Variants in RPIA observed in about 807,000 individuals in gnomAD.
The protein encoded by RPIA is ribose-5-phosphate isomerase.
In RPIA, 29 loss-of-function variants were observed where a neutral mutation model predicts 37.8. That is an observed-to-expected ratio of 0.77 (90% CI 0.57 to 1.05). RPIA has a LOEUF of 1.05. RPIA is among the 50% of genes least tolerant of loss of function. RPIA has a pLI of 0.00. For synonymous variants in RPIA, 167 were observed against 157.0 expected (o/e 1.06, Z -0.48); for missense variants, 385 against 413.6 (o/e 0.93, Z 0.60).
intron 8 of RPIA, among the ~76,000 whole-genome samples, chr2:88,745,633 T>C (rs1256138532): frequency 6.6e-6 from 1 of 152,192 alleles, no homozygotes; most frequent in Admixed American, 6.5e-5. Flanking sequence ...GTAGGGCTTC[T>C]GCTGAGAAAT....
chr2:88,747,119 T>C (rs1673447076), intron 8 of RPIA, among the ~76,000 whole-genome samples: 1 of 152,180 alleles, frequency 6.6e-6, no homozygotes, highest in Non-Finnish European at 1.5e-5. Flanking sequence ...TGGGCAGGGC[T>C]TGCTGTGGCC....
intron 1 of RPIA, among the ~76,000 whole-genome samples, chr2:88,694,261 A>G (rs1676983163): frequency 6.6e-6 from 1 of 152,252 alleles, no homozygotes; most frequent in Non-Finnish European, 1.5e-5. Flanking sequence ...CCAAGGCAGC[A>G]GGGATCACAT....
rs1199547760 is a variant in RPIA at position 88,750,129 on chromosome 2, G to A, written c.*51G>A. 7.6e-7 allele frequency: 1 copy of A among 1,315,798 alleles called. No homozygotes were observed. The highest frequency in any genetic ancestry group is 1.7e-5 in the Admixed American group (1 of 58,754). 81.5% of individuals were successfully genotyped at this position (1,315,798 alleles called of 1,614,324 possible). A position where few individuals can be genotyped will look rare whatever the true frequency, so the allele number is the denominator to read the frequency against. Reference sequence around the variant, plus strand: ...CCTTGAGTCTCCAGCCCACAGCCAAGGTGGACGTACCTCTCCAGGAGCCTT... The same window carrying A: ...CCTTGAGTCTCCAGCCCACAGCCAAAGTGGACGTACCTCTCCAGGAGCCTT... On this transcript the variant is annotated 3_prime_UTR_variant, in exon 9 of 9. Transcript: ENST00000283646.
At chr2:88,729,242 T>C (rs1673235308) in intron 3 of RPIA, 36 bp from the exon 4 acceptor site, 1 of 1,608,212 alleles carries the variant, frequency 6.2e-7, no homozygotes, top group Admixed American at 1.7e-5. Context: ...TGAACTCAAG[T>C]AAATGATCGT....
At chr2:88,694,979 C>CAAAAAAA (rs61633535) in intron 1 of RPIA, among the ~76,000 whole-genome samples, 9 of 119,064 alleles carry the variant, frequency 7.6e-5, no homozygotes, top group East Asian at 5.0e-4. Flanking sequence ...AATAAAGTCT[C>CAAAAAAA]AAAAAAAAAA....
intron 4 of RPIA, among the ~76,000 whole-genome samples, chr2:88,733,985 C>T (rs1028365080): frequency 1.3e-5 from 2 of 152,088 alleles, no homozygotes; most frequent in Non-Finnish European, 2.9e-5. Context: ...ATTTCCAGTT[C>T]GGGAACTCAT....
intron 3 of RPIA, among the ~76,000 whole-genome samples, chr2:88,707,158 GC>G (rs1172249613): frequency 6.6e-6 from 1 of 152,180 alleles, no homozygotes; most frequent in Non-Finnish European, 1.5e-5. Context: ...TTTTGGCATG[GC>G]TCCTTGTTAG....
intron 3 of RPIA, among the ~76,000 whole-genome samples, chr2:88,710,507 G>A (rs549424359): frequency 1.2e-4 from 18 of 152,080 alleles, no homozygotes; most frequent in Non-Finnish European, 2.6e-4. Context: ...ACTTCTTTTA[G>A]AAGCTTTTAA....
chr2:88,702,716 G>C (rs892215083), intron 3 of RPIA, among the ~76,000 whole-genome samples: 2 of 152,206 alleles, frequency 1.3e-5, no homozygotes, highest in Non-Finnish European at 2.9e-5. Flanking sequence ...CCTGCAGCCA[G>C]CTCTGGAGCC....
At chr2:88,706,535 A>G (rs1443406874) in intron 3 of RPIA, among the ~76,000 whole-genome samples, 1 of 144,506 alleles carries the variant, frequency 6.9e-6, no homozygotes, top group Non-Finnish European at 1.5e-5. Context: ...GGGGAACAAC[A>G]CATACTGGGG....
chr2:88,741,001 C>T (rs1404830657), intron 8 of RPIA, among the ~76,000 whole-genome samples: 3 of 152,242 alleles, frequency 2.0e-5, no homozygotes, highest in East Asian at 3.9e-4. Flanking sequence ...CTTTTCGTCA[C>T]TCGATCACTA....
intron 3 of RPIA, among the ~76,000 whole-genome samples, chr2:88,722,483 T>G (rs1219232093): frequency 6.6e-6 from 1 of 152,234 alleles, no homozygotes; most frequent in East Asian, 1.9e-4. Flanking sequence ...TATGAAACTT[T>G]CCATTGCAAA....
At position 88,691,902 on chromosome 2, in the gene RPIA, C is replaced by T. The variant is rs1301840508; in HGVS notation, c.204C>T (p.Ile68=). Residue 68 remains isoleucine (I), a synonymous_variant, in exon 1 of 9, where the codon ATC becomes ATT. Transcript: ENST00000283646. ...CCAGCTGCGGGGACTCCAACAGCAT[C>T]TGCCCGGCCCCCTCCACGATGTCCA... ...TSTSCGDSNS[I]CPAPSTMSKA... is the part of the protein sequence containing the mutation. The T allele has an allele frequency of 1.3e-6, 2 of 1,594,794 alleles. No homozygotes were observed. Among genetic ancestry groups the T allele is most frequent in the Non-Finnish European group, 1.7e-6 (2 of 1,171,804 alleles).
At chr2:88,724,225 G>A (rs1443085831) in intron 3 of RPIA, among the ~76,000 whole-genome samples, 1 of 152,178 alleles carries the variant, frequency 6.6e-6, no homozygotes, top group Non-Finnish European at 1.5e-5. Flanking sequence ...CTATCCTCAG[G>A]AGCATGAGAG....
intron 1 of RPIA, among the ~76,000 whole-genome samples, chr2:88,698,262 A>G (rs1289945278): frequency 6.6e-6 from 1 of 152,004 alleles, no homozygotes; most frequent in Admixed American, 6.5e-5. Context: ...GTCAGAAATG[A>G]AGAGAGGAGG....
At chr2:88,733,548 C>G (rs1673278002) in intron 4 of RPIA, among the ~76,000 whole-genome samples, 1 of 152,140 alleles carries the variant, frequency 6.6e-6, no homozygotes, top group African/African-American at 2.4e-5. Context: ...ACTTTCCATA[C>G]CCCTGAGAAT....
At chr2:88,721,442 A>G (rs1168642370) in intron 3 of RPIA, among the ~76,000 whole-genome samples, 2 of 148,266 alleles carry the variant, frequency 1.3e-5, no homozygotes. Flanking sequence ...TATTTAATAT[A>G]ATTAGTATAA....
chr2:88,708,197 G>A (rs1672919212), intron 3 of RPIA, among the ~76,000 whole-genome samples: 1 of 152,196 alleles, frequency 6.6e-6, no homozygotes, highest in Non-Finnish European at 1.5e-5. Flanking sequence ...ATCAGGTCTT[G>A]TCTGCTTTCC....
At chr2:88,734,774 T>G (rs561812850) in intron 5 of RPIA, among the ~76,000 whole-genome samples, 158 bp downstream of exon 5, 1 of 152,342 alleles carries the variant, frequency 6.6e-6, no homozygotes, top group South Asian at 2.1e-4. Context: ...CAACTCAGCA[T>G]TTCTGGTCAT....
Sources: gnomAD v4.1 joint callset for allele counts (sites outside exome capture counted in the v4.1 genomes callset) on GRCh38, gnomAD v4.1.1 for gene constraint, MANE v1.5 for transcripts, NCBI Gene and HGNC (gene_info 2026-07-23, HGNC 2026-07-21) for gene names.